BTBD9: variants seen among roughly 807,000 people sequenced by gnomAD.
BTBD9 encodes the protein BTB/POZ domain-containing protein 9.
A neutral mutation model predicts 64.3 loss-of-function variants in BTBD9; 49 were observed. That is an observed-to-expected ratio of 0.76 (90% CI 0.61 to 0.97). BTBD9 has a LOEUF of 0.97. Among genes scored for constraint, BTBD9 ranks in the 50% least tolerant of loss-of-function variants. The probability of loss-of-function intolerance (pLI) is 0.00; values close to 1 mark genes in which losing one functional copy is unlikely to be tolerated. For synonymous variants in BTBD9, 260 were observed against 274.7 expected, an observed-to-expected ratio of 0.95 and a Z score of 0.53; for missense variants, 598 against 762.1, an observed-to-expected ratio of 0.78 and a Z score of 2.53.
intron 7 of BTBD9, among the ~76,000 whole-genome samples, chr6:38,337,648 C>G (rs1763944217): frequency 6.6e-6 from 1 of 152,218 alleles, no homozygotes; most frequent in African/African-American, 2.4e-5. Context: ...CCACTTATTT[C>G]CATACCTTGC....
chr6:38,257,195 G>A (rs928736676), intron 8 of BTBD9, among the ~76,000 whole-genome samples: 2 of 150,262 alleles, frequency 1.3e-5, no homozygotes, highest in African/African-American at 4.9e-5. Context: ...GAGCCACCGT[G>A]CCCAGCCTAA....
chr6:38,563,933 C>G (rs923583402), intron 6 of BTBD9, among the ~76,000 whole-genome samples: 13 of 152,200 alleles, frequency 8.5e-5, no homozygotes, highest in African/African-American at 3.1e-4. Flanking sequence ...AGGCGCCCGC[C>G]ACCACGCCTG....
At chr6:38,299,316 T>C (rs1292524389) in intron 7 of BTBD9, among the ~76,000 whole-genome samples, 1 of 152,236 alleles carries the variant, frequency 6.6e-6, no homozygotes, top group African/African-American at 2.4e-5. Context: ...GCAATAAACA[T>C]ACGTGTGCAC....
In BTBD9 at chr6:38,454,802, TA is replaced by T. The variant is rs374754349; in HGVS notation, c.1155-109710del. ...GAAGACAGAGCAAGACTCTGTCTCT[TA>T]AAAAAAAAAAAAACACTAAATTTCA... On this transcript the variant is annotated intron_variant, in intron 6 of 10. Coordinates refer to ENST00000481247, the MANE Select transcript of BTBD9 (RefSeq NM_001099272.2). 2.2e-3 allele frequency among the ~76,000 whole-genome samples: 296 copies of T among 135,550 alleles called. 1 individual carries two copies. Among genetic ancestry groups the T allele is most frequent in the Admixed American group, 3.4e-3 (46 of 13,514 alleles). The allele number at this position is 135,550 out of a possible 152,430, so 88.9% of individuals were successfully genotyped here. A position where few individuals can be genotyped will look rare whatever the true frequency, so the allele number is the denominator to read the frequency against.
intron 6 of BTBD9, among the ~76,000 whole-genome samples, chr6:38,435,784 TCAG>T (rs1433595822): frequency 2.6e-5 from 4 of 151,226 alleles, no homozygotes; most frequent in Non-Finnish European, 5.9e-5. Context: ...TTCTCCGGCC[TCAG>T]CCTCCCGAGT....
intron 6 of BTBD9, among the ~76,000 whole-genome samples, chr6:38,382,799 C>T (rs1359272463): frequency 6.6e-6 from 1 of 151,928 alleles, no homozygotes. Context: ...AAATTCGAAA[C>T]CTTAGTTGAA....
chr6:38,278,997 G>A (rs9462426), intron 8 of BTBD9, among the ~76,000 whole-genome samples: 72,780 of 151,998 alleles, frequency 0.48, 19,229 homozygotes, highest in African/African-American at 0.71. Flanking sequence ...GAAAGAGGCA[G>A]TGCAGCAGGC....
intron 9 of BTBD9, among the ~76,000 whole-genome samples, chr6:38,231,712 C>A (rs12526152): frequency 0.063 from 9,639 of 152,244 alleles, 525 homozygotes; most frequent in East Asian, 0.27. Context: ...CCATCAGGCC[C>A]ACTCACCTGA....
chr6:38,334,556 G>A (rs550232201), intron 7 of BTBD9, among the ~76,000 whole-genome samples: 7 of 151,192 alleles, frequency 4.6e-5, no homozygotes, highest in African/African-American at 9.7e-5. Context: ...GTGACAGAGC[G>A]AGACTCCATC....
chr6:38,288,324 T>G lies in BTBD9; in HGVS notation c.1402A>C (p.Ser468Arg). The G allele has an allele frequency of 6.2e-7, 1 of 1,614,168 alleles. No homozygotes were observed. Among genetic ancestry groups the G allele is most frequent in the Non-Finnish European group, 8.5e-7 (1 of 1,180,010 alleles). ...DSGYTCHQLG[S>R]GAIVVQLAQP... The stretch of plus-strand genomic sequence containing the variant: ...GCCAACTGAACCACAATCGCACCAC[T>G]TCCTAGCTGGTGACATGTGTAGCCA... The change falls in exon 8 of 11, where the codon AGT (serine) becomes CGT (arginine). Residue 468 changes from serine to arginine, a missense_variant. Transcript: ENST00000481247.
chr6:38,386,658 G>C (rs570590782), intron 6 of BTBD9, among the ~76,000 whole-genome samples: 102 of 131,286 alleles, frequency 7.8e-4, no homozygotes, highest in Non-Finnish European at 1.3e-3. Flanking sequence ...TTTTTGGAGT[G>C]GGGGGCCAGG....
chr6:38,620,468 G>C (rs1416458053), intron 1 of BTBD9, among the ~76,000 whole-genome samples: 1 of 152,134 alleles, frequency 6.6e-6, no homozygotes, highest in Non-Finnish European at 1.5e-5. Context: ...TCATCTGTTT[G>C]GTCAGATATT....
intron 6 of BTBD9, among the ~76,000 whole-genome samples, chr6:38,426,631 A>T (rs971979383): frequency 6.6e-6 from 1 of 151,706 alleles, no homozygotes; most frequent in African/African-American, 2.4e-5. Context: ...GCCTATTGCC[A>T]CTCCCGATTG....
chr6:38,514,923 C>T (rs1158884916), intron 6 of BTBD9, among the ~76,000 whole-genome samples: 2 of 152,128 alleles, frequency 1.3e-5, no homozygotes, highest in Admixed American at 1.3e-4. Context: ...TGCAGACCTT[C>T]GAAACAGACT....
chr6:38,186,339 T>C (rs1761817548), intron 10 of BTBD9, among the ~76,000 whole-genome samples: 3 of 152,196 alleles, frequency 2.0e-5, no homozygotes, highest in East Asian at 1.9e-4. Context: ...GCTACTATTA[T>C]TGTAATTAAT....
At chr6:38,265,419 AATATGCCTGGAGG>A (rs1764937174) in intron 8 of BTBD9, among the ~76,000 whole-genome samples, 1 of 152,172 alleles carries the variant, frequency 6.6e-6, no homozygotes, top group South Asian at 2.1e-4. Context: ...ATCAATGGAG[AATATGCCTGGAGG>A]ATATAACTGT....
At chr6:38,519,010 TA>T (rs560192900) in intron 6 of BTBD9, among the ~76,000 whole-genome samples, 114 of 152,340 alleles carry the variant, frequency 7.5e-4, no homozygotes, top group African/African-American at 2.6e-3. Context: ...GGCAGTTTTC[TA>T]AAAGAGATAA....
In BTBD9 at chr6:38,563,082, G is replaced by C. The variant is rs182129158; in HGVS notation, c.1154+14518C>G. ...CATTCTTGACTGTCCTTTTCTTGCT[G>C]GCTATTCTTTCCCCATTTCATTTTA... On this transcript the variant is annotated intron_variant, in intron 6 of 10. Transcript: ENST00000481247. 6.6e-5 allele frequency among the ~76,000 whole-genome samples: 10 copies of C among 152,206 alleles called. No homozygotes were observed. In the East Asian group the frequency reaches 1.9e-3, roughly 29 times the overall value.
intron 8 of BTBD9, among the ~76,000 whole-genome samples, chr6:38,285,516 C>T (rs1561972442): frequency 6.8e-6 from 1 of 146,626 alleles, no homozygotes; most frequent in Non-Finnish European, 1.5e-5. Flanking sequence ...TAGATGGTGG[C>T]GGTGGTGGGG....
Sources: gnomAD v4.1 joint callset for allele counts (sites outside exome capture counted in the v4.1 genomes callset) on GRCh38, gnomAD v4.1.1 for gene constraint, MANE v1.5 for transcripts, NCBI Gene and HGNC (gene_info 2026-07-23, HGNC 2026-07-21) for gene names.